DENND2A: variants seen among roughly 807,000 people sequenced by gnomAD.
The protein encoded by DENND2A is DENN domain containing 2A.
A neutral mutation model predicts 105.3 loss-of-function variants in DENND2A; 53 were observed. That is an observed-to-expected ratio of 0.50 (90% CI 0.40 to 0.63). The LOEUF is 0.63. Among genes scored for constraint, DENND2A ranks in the 30% least tolerant of loss-of-function variants. The pLI, the probability that DENND2A is intolerant of heterozygous loss-of-function variation, is 0.00. For synonymous variants in DENND2A, 522 were observed against 508.4 expected, an observed-to-expected ratio of 1.03 and a Z score of -0.36; for missense variants, 1,138 against 1,279.6, an observed-to-expected ratio of 0.89 and a Z score of 1.69.
intron 9 of DENND2A, among the ~76,000 whole-genome samples, chr7:140,562,671 A>G (rs1278267663): frequency 6.7e-6 from 1 of 149,420 alleles, no homozygotes; most frequent in Non-Finnish European, 1.5e-5. Flanking sequence ...CAAAACAAAC[A>G]AACAAAACAA....
chr7:140,567,950 C>CT (rs1379894500), intron 8 of DENND2A, among the ~76,000 whole-genome samples: 5 of 152,050 alleles, frequency 3.3e-5, no homozygotes, highest in Non-Finnish European at 4.4e-5. Flanking sequence ...GACTTGCTTT[C>CT]TTTTTTTTGA....
In DENND2A at chr7:140,640,070, G is replaced by A. The variant is rs1029777157; in HGVS notation, c.-248+434C>T. Among the ~76,000 whole-genome samples the A allele has an allele frequency of 3.8e-4, 58 of 152,144 alleles. No homozygotes were observed. Among genetic ancestry groups the A allele is most frequent in the African/African-American group, 1.4e-3 (57 of 41,422 alleles). On this transcript the variant is annotated intron_variant, in intron 1 of 19. Coordinates refer to ENST00000496613, the MANE Select transcript of DENND2A (RefSeq NM_015689.5). This position sits in a 1 kb window ranked among gnomAD's most constrained non-coding sequence, Gnocchi z 4.9. ...GTGAGGGGGGCCCGGCTGCTCAGCCGCCTCGATGCCCCGCGCTTGCACGCG... is the reference window on the plus strand; with the variant it reads ...GTGAGGGGGGCCCGGCTGCTCAGCCACCTCGATGCCCCGCGCTTGCACGCG...
rs116236478 is a variant in DENND2A, at chr7:140,570,575, C to T, written c.1447-837G>A. Among the ~76,000 whole-genome samples, 1,348 of 152,288 alleles carry T rather than the reference C, an allele frequency of 8.9e-3. 22 individuals are homozygous for T. The highest frequency in any genetic ancestry group is 0.03 in the African/African-American group (1,262 of 41,562). On this transcript the variant is annotated intron_variant, in intron 6 of 19. Transcript: ENST00000496613. Reference sequence around the variant, plus strand: ...CGGGGAGTGGTGCCATGCACCCGAGCGTGCAGCCCCATCTGCAGAGGGACA... The same window carrying T: ...CGGGGAGTGGTGCCATGCACCCGAGTGTGCAGCCCCATCTGCAGAGGGACA...
Position 140,616,208 on chromosome 7 carries a change from A to T in DENND2A, c.-247-10402T>A, listed in dbSNP as rs901984035. Reference sequence around the variant, plus strand: ...ATGGTGAAACCCCATCTCTACTAAAAATATAAAAATTAGCCAGGTGTGGTG... The same window carrying T: ...ATGGTGAAACCCCATCTCTACTAAATATATAAAAATTAGCCAGGTGTGGTG... On this transcript the variant is annotated intron_variant, in intron 1 of 19. Coordinates refer to ENST00000496613, the MANE Select transcript of DENND2A (RefSeq NM_015689.5). Among the ~76,000 whole-genome samples the T allele has an allele frequency of 1.2e-4, 18 of 152,262 alleles. No homozygotes were observed. In the East Asian group the frequency reaches 2.3e-3, roughly 20 times the overall value.
intron 14 of DENND2A, among the ~76,000 whole-genome samples, chr7:140,539,351 G>C (rs1796567333): frequency 6.6e-6 from 1 of 152,166 alleles, no homozygotes; most frequent in African/African-American, 2.4e-5. Context: ...CTGTCTCACT[G>C]GGACCCTGCT....
chr7:140,534,103 G>T (rs66783039), intron 14 of DENND2A, among the ~76,000 whole-genome samples: 24,892 of 55,564 alleles, frequency 0.45, 3,933 homozygotes, highest in Non-Finnish European at 0.49. Context: ...TTTTTTTTTT[G>T]AGATGGAGTC....
chr7:140,624,872 T>G (rs1433765791), intron 1 of DENND2A, among the ~76,000 whole-genome samples: 1 of 150,446 alleles, frequency 6.6e-6, no homozygotes, highest in African/African-American at 2.5e-5. Flanking sequence ...TTTTTTGTTT[T>G]TTTTTTTTTG....
chr7:140,530,485 G>A (rs115357163), intron 14 of DENND2A, among the ~76,000 whole-genome samples: 1,968 of 152,120 alleles, frequency 0.013, 40 homozygotes, highest in African/African-American at 0.046. Context: ...TGGCATCCAT[G>A]CATCGCACTG....
intron 5 of DENND2A, among the ~76,000 whole-genome samples, chr7:140,584,246 A>T (rs940410804): frequency 6.6e-6 from 1 of 152,218 alleles, no homozygotes; most frequent in Non-Finnish European, 1.5e-5. Flanking sequence ...CGTCTCAAAA[A>T]ACAAAAACAA....
intron 14 of DENND2A, among the ~76,000 whole-genome samples, chr7:140,540,048 TC>T (rs1395115463): frequency 6.6e-6 from 1 of 151,896 alleles, no homozygotes; most frequent in Non-Finnish European, 1.5e-5. Flanking sequence ...TGCTCAGGGG[TC>T]CCCCCTACTC....
At chr7:140,567,421 T>A (rs892517345) in intron 8 of DENND2A, 148 bp from the exon 9 acceptor site, 1 of 662,170 alleles carries the variant, frequency 1.5e-6, no homozygotes, top group Non-Finnish European at 2.4e-6. Context: ...TATGTAATTA[T>A]CAGCTCAAGT....
At chr7:140,624,915 G>A (rs1380789890) in intron 1 of DENND2A, among the ~76,000 whole-genome samples, 1 of 144,944 alleles carries the variant, frequency 6.9e-6, no homozygotes, top group Non-Finnish European at 1.5e-5. Context: ...CTGTTGCCAA[G>A]GCTGGAGCGC....
At chr7:140,519,225 C>T (rs531747285) in intron 19 of DENND2A, among the ~76,000 whole-genome samples, 1 of 152,206 alleles carries the variant, frequency 6.6e-6, no homozygotes, top group Non-Finnish European at 1.5e-5. Context: ...CCTTTAAGGG[C>T]CTTTTCACTG....
chr7:140,525,605 C>T (rs1221287764), intron 16 of DENND2A, 146 bp downstream of exon 16: 2 of 609,234 alleles, frequency 3.3e-6, no homozygotes, highest in Non-Finnish European at 5.0e-6. Flanking sequence ...CTGGCTTGTC[C>T]TCAGCCCAGC....
At chr7:140,582,582 T>C (rs1311256249) in intron 5 of DENND2A, among the ~76,000 whole-genome samples, 2 of 152,236 alleles carry the variant, frequency 1.3e-5, no homozygotes, top group African/African-American at 4.8e-5. Flanking sequence ...GCAAGTATTG[T>C]AGCAATTTAT....
Position 140,523,194 on chromosome 7 carries a change from C to G in DENND2A, c.2665+113G>C, listed in dbSNP as rs906635249. The G allele has an allele frequency of 3.9e-5, 36 of 922,422 alleles. No individual in the cohort carries two copies. Among genetic ancestry groups the G allele is most frequent in the Middle Eastern group, 2.2e-4 (1 of 4,580 alleles). 57.1% of individuals were successfully genotyped at this position (922,422 alleles called of 1,614,324 possible). ...TAAACAGAATGAGGCCCTGGTTTCTCTCCTTATGTCTCCCTTGCCCATATT... is the reference window on the plus strand; with the variant it reads ...TAAACAGAATGAGGCCCTGGTTTCTGTCCTTATGTCTCCCTTGCCCATATT... On this transcript the variant is annotated intron_variant, in intron 17 of 19. Transcript: ENST00000496613. The surrounding 1 kb of genome is among the most constrained non-coding windows in gnomAD (Gnocchi z 4.5).
chr7:140,624,357 C>G (rs987648563), intron 1 of DENND2A, among the ~76,000 whole-genome samples: 1 of 120,996 alleles, frequency 8.3e-6, no homozygotes, highest in Non-Finnish European at 1.8e-5. Context: ...GGCAAAACAA[C>G]AACAACAACA....
chr7:140,624,323 T>C (rs1369448582), intron 1 of DENND2A, among the ~76,000 whole-genome samples: 1 of 151,912 alleles, frequency 6.6e-6, no homozygotes, highest in African/African-American at 2.4e-5. Context: ...GGTCCCAGTC[T>C]AGTGAGGAAA....
At chr7:140,611,913 A>G (rs1799912642) in intron 1 of DENND2A, among the ~76,000 whole-genome samples, 1 of 152,152 alleles carries the variant, frequency 6.6e-6, no homozygotes, top group South Asian at 2.1e-4. Flanking sequence ...AATGCGGTGA[A>G]TACACCACAA....
Sources: allele counts gnomAD v4.1 joint callset (sites outside exome capture counted in the v4.1 genomes callset), GRCh38; gene constraint gnomAD v4.1.1; non-coding constraint Gnocchi (gnomAD v3.1); transcripts MANE v1.5; gene names NCBI Gene and HGNC (gene_info 2026-07-23, HGNC 2026-07-21).